Variants in SEMA6D observed in about 807,000 individuals in gnomAD.
SEMA6D encodes semaphorin 6D.
SEMA6D carries 35 observed loss-of-function variants against 106.6 expected under a neutral mutation model. That is an observed-to-expected ratio of 0.33 (90% CI 0.25 to 0.44). The LOEUF is 0.44. Among genes scored for constraint, SEMA6D ranks in the 20% least tolerant of loss-of-function variants. SEMA6D has a pLI of 1.00. For missense variants in SEMA6D, 1,185 were observed against 1,345.9 expected, an observed-to-expected ratio of 0.88 and a Z score of 1.87; for synonymous variants, 499 against 487.7, an observed-to-expected ratio of 1.02 and a Z score of -0.31.
chr15:47,225,549 T>A (rs2413866), intron 1 of SEMA6D, among the ~76,000 whole-genome samples: 1 of 89,392 alleles, frequency 1.1e-5, no homozygotes, highest in Admixed American at 1.2e-4. Flanking sequence ...TTTTTTTTGA[T>A]GGGGTTTTGC....
chr15:47,234,769 T>C (rs2032433186), intron 1 of SEMA6D, among the ~76,000 whole-genome samples: 1 of 152,100 alleles, frequency 6.6e-6, no homozygotes, highest in African/African-American at 2.4e-5. Flanking sequence ...TTAGGTTGGC[T>C]CCATATCTTT....
At chr15:47,750,730 C>T (rs2081384070) in intron 1 of SEMA6D, among the ~76,000 whole-genome samples, 2 of 152,224 alleles carry the variant, frequency 1.3e-5, no homozygotes, top group Admixed American at 1.3e-4. Flanking sequence ...CTAGAAGCCT[C>T]TTCCTCTAAC....
At chr15:47,261,578 A>G (rs1054318840) in intron 1 of SEMA6D, among the ~76,000 whole-genome samples, 11 of 152,114 alleles carry the variant, frequency 7.2e-5, no homozygotes, top group African/African-American at 2.7e-4. Flanking sequence ...AAGTGTATTG[A>G]CAAATATGTC....
At chr15:47,506,788 A>G (rs746597709) in intron 3 of SEMA6D, among the ~76,000 whole-genome samples, 6 of 152,214 alleles carry the variant, frequency 3.9e-5, no homozygotes, top group Non-Finnish European at 8.8e-5. Context: ...GAGAAGAGAT[A>G]TTGACCACAT....
chr15:47,689,979 A>C (rs1447657515), intron 4 of SEMA6D, among the ~76,000 whole-genome samples: 1 of 152,156 alleles, frequency 6.6e-6, no homozygotes. Context: ...TTAGAGCAAA[A>C]TGTTTCCTGG....
intron 1 of SEMA6D, among the ~76,000 whole-genome samples, chr15:47,218,664 A>G (rs1401441647): frequency 6.6e-6 from 1 of 152,204 alleles, no homozygotes; most frequent in African/African-American, 2.4e-5. Flanking sequence ...TAGCCAAAGC[A>G]AAGTATTCAT....
intron 1 of SEMA6D, among the ~76,000 whole-genome samples, chr15:47,230,615 T>C (rs564622948): frequency 3.9e-5 from 6 of 152,158 alleles, no homozygotes; most frequent in African/African-American, 1.4e-4. Context: ...GATTTCTTCC[T>C]TTATACTCTG....
At chr15:47,697,031 G>A (rs1428078046) in intron 4 of SEMA6D, among the ~76,000 whole-genome samples, 1 of 152,086 alleles carries the variant, frequency 6.6e-6, no homozygotes, top group Non-Finnish European at 1.5e-5. Flanking sequence ...TCAGATGGTT[G>A]GCACTTCATA....
intron 1 of SEMA6D, among the ~76,000 whole-genome samples, chr15:47,322,789 A>T (rs2036973130): frequency 6.6e-6 from 1 of 152,124 alleles, no homozygotes; most frequent in African/African-American, 2.4e-5. Flanking sequence ...CAACTGTGAT[A>T]TTTCCCAAAT....
intron 2 of SEMA6D, among the ~76,000 whole-genome samples, chr15:47,448,236 C>G (rs564661546): frequency 6.6e-6 from 1 of 152,220 alleles, no homozygotes; most frequent in East Asian, 1.9e-4. Context: ...TGTACCACGA[C>G]GCCTGGGCCG....
At chr15:47,350,406 T>C (rs969059864) in intron 1 of SEMA6D, among the ~76,000 whole-genome samples, 1 of 152,204 alleles carries the variant, frequency 6.6e-6, no homozygotes, top group African/African-American at 2.4e-5. Flanking sequence ...TGAAATTGGA[T>C]ACTCAAGGTA....
At chr15:47,371,004 G>A (rs939866261) in intron 1 of SEMA6D, among the ~76,000 whole-genome samples, 7 of 152,202 alleles carry the variant, frequency 4.6e-5, no homozygotes, top group Non-Finnish European at 5.9e-5. Context: ...AAGACGTCCC[G>A]CCAGTCAGTT....
chr15:47,737,379 T>C (rs1429352622), intron 1 of SEMA6D, among the ~76,000 whole-genome samples: 1 of 152,212 alleles, frequency 6.6e-6, no homozygotes, highest in Admixed American at 6.5e-5. Context: ...TAATGTTTTT[T>C]AGTGAAGCAT....
intron 1 of SEMA6D, among the ~76,000 whole-genome samples, chr15:47,267,813 G>C (rs182298739): frequency 8.6e-5 from 13 of 152,030 alleles, no homozygotes; most frequent in Admixed American, 6.6e-4. Flanking sequence ...AGATTCTGCT[G>C]TTCTTAGATT....
At chr15:47,505,610 ATACT>A (rs2044013722) in intron 3 of SEMA6D, among the ~76,000 whole-genome samples, 2 of 152,156 alleles carry the variant, frequency 1.3e-5, no homozygotes, top group Non-Finnish European at 2.9e-5. Flanking sequence ...GCATGCAAAG[ATACT>A]TAGGAGGAGA....
chr15:47,586,604 CATT>C (rs1468034856), intron 3 of SEMA6D, among the ~76,000 whole-genome samples: 2 of 152,148 alleles, frequency 1.3e-5, no homozygotes, highest in Admixed American at 6.5e-5. Flanking sequence ...CATATCCTAT[CATT>C]ATATACAGAA....
chr15:47,452,990 G>A (rs754174561), intron 2 of SEMA6D, among the ~76,000 whole-genome samples: 7 of 151,758 alleles, frequency 4.6e-5, no homozygotes, highest in Non-Finnish European at 8.8e-5. Context: ...TTTTATGATT[G>A]CATTACCTTC....
At chr15:47,751,310 T>C (rs2081421297) in intron 1 of SEMA6D, among the ~76,000 whole-genome samples, 1 of 152,170 alleles carries the variant, frequency 6.6e-6, no homozygotes, top group Non-Finnish European at 1.5e-5. Flanking sequence ...ACAACCCTCC[T>C]TGTCTTGATA....
In SEMA6D at chr15:47,766,107, C is replaced by T. The variant is rs1388249012; in HGVS notation, c.1571C>T (p.Ser524Phe). 6.2e-7 allele frequency: 1 copy of T among 1,613,610 alleles called. No individual in the cohort carries two copies. The highest frequency in any genetic ancestry group is 8.5e-7 in the Non-Finnish European group (1 of 1,179,708). The change falls in exon 15 of 19, where the codon TCT becomes TTT. Residue 524 changes from serine to phenylalanine, a missense_variant and splice_region_variant. By Grantham distance (155) the Ser-to-Phe change is radical (BLOSUM62 -2). Transcript: ENST00000536845. Reference protein sequence around the residue: ...RCERYGSCKKSCIASRDPYCG... With the variant: ...RCERYGSCKKFCIASRDPYCG... ...ACATTCTGTTTGGTTTTACACAGGT[C>T]TTGTATTGCATCTCGTGACCCGTAT...
Sources: allele counts gnomAD v4.1 joint callset (sites outside exome capture counted in the v4.1 genomes callset), GRCh38; gene constraint gnomAD v4.1.1; transcripts MANE v1.5; gene names NCBI Gene and HGNC (gene_info 2026-07-23, HGNC 2026-07-21).